SP140: variants seen among roughly 807,000 people sequenced by gnomAD.
SP140 encodes nuclear body protein SP140.
Under a neutral mutation model 125.0 loss-of-function variants are expected in SP140, and 81 were observed. The ratio of observed to expected loss-of-function variants is 0.65; its 90% CI spans 0.54 to 0.78. The LOEUF (loss-of-function observed/expected upper bound fraction) is 0.78. Among genes scored for constraint, SP140 ranks in the 30% least tolerant of loss-of-function variants. The pLI is 0.00. For synonymous variants in SP140, 312 were observed against 354.0 expected (o/e 0.88, Z 1.33); for missense variants, 858 against 1,037.0 (o/e 0.83, Z 2.37).
intron 3 of SP140, chr2:230,215,180 T>A (rs1207769128): frequency 7.4e-7 from 1 of 1,359,590 alleles, no homozygotes; most frequent in Non-Finnish European, 1.0e-6. Context: ...AGTTATACAT[T>A]TATGGTTTTC....
At chr2:230,236,789 T>A (rs1336863799) in intron 1 of SP140, among the ~76,000 whole-genome samples, 1 of 152,226 alleles carries the variant, frequency 6.6e-6, no homozygotes, top group African/African-American at 2.4e-5. Context: ...ATCTTTTAAT[T>A]GCATATTTTC....
chr2:230,232,571 C>A (rs1234381492), intron 1 of SP140, among the ~76,000 whole-genome samples: 2 of 152,162 alleles, frequency 1.3e-5, no homozygotes, highest in African/African-American at 4.8e-5. Context: ...GAAGTTTAGA[C>A]TTTTTTCTTA....
At chr2:230,192,456 T>C in the SP140 span, among the ~76,000 whole-genome samples, 4 of 152,148 alleles carry the variant, frequency 2.6e-5, no homozygotes, top group Admixed American at 2.6e-4. Context: ...ACAAAATCAA[T>C]GTGCAAAAAT....
chr2:230,265,158 G>A (rs1023884034), intron 12 of SP140, among the ~76,000 whole-genome samples: 6 of 152,224 alleles, frequency 3.9e-5, no homozygotes, highest in African/African-American at 1.4e-4. Flanking sequence ...TGTGGGGGAT[G>A]GGGGTGAGAT....
chr2:230,243,568 G>A (rs1422414871), intron 4 of SP140, among the ~76,000 whole-genome samples, 163 bp from the exon 5 acceptor site: 3 of 152,216 alleles, frequency 2.0e-5, no homozygotes, highest in South Asian at 2.1e-4. Context: ...CTCAGCCTCT[G>A]GTGAAGGTTA....
chr2:230,259,923 C>T (rs1380141565), intron 12 of SP140, among the ~76,000 whole-genome samples: 5 of 151,764 alleles, frequency 3.3e-5, no homozygotes, highest in African/African-American at 7.3e-5. Flanking sequence ...GTATCTTTTT[C>T]GAATAATGAC....
chr2:230,220,422 A>C (rs1361039796), intron 3 of SP140, among the ~76,000 whole-genome samples: 3 of 152,248 alleles, frequency 2.0e-5, no homozygotes, highest in African/African-American at 7.2e-5. Context: ...ACAAAAAAAC[A>C]AAGAGAATGT....
intron 1 of SP140, chr2:230,212,726 G>A: frequency 6.2e-7 from 1 of 1,612,896 alleles, no homozygotes; most frequent in Non-Finnish European, 8.5e-7. Context: ...CTTAGGCTGA[G>A]GATATACAGG....
At chr2:230,307,968 TATATATATATATATATATATATAC>T (rs1166379627) in intron 22 of SP140, among the ~76,000 whole-genome samples, 4 of 79,302 alleles carry the variant, frequency 5.0e-5, no homozygotes, top group South Asian at 5.4e-4. Context: ...TATATATATA[TATATATATATATATATATATATAC>T]ACACACACAC....
chr2:230,299,551 C>T (rs928844699), intron 22 of SP140, among the ~76,000 whole-genome samples: 1 of 152,132 alleles, frequency 6.6e-6, no homozygotes, highest in Non-Finnish European at 1.5e-5. Flanking sequence ...AGGCTTCCAG[C>T]TGAACTTTGT....
chr2:230,186,555 A>G, the SP140 span, among the ~76,000 whole-genome samples: 1 of 152,206 alleles, frequency 6.6e-6, no homozygotes, highest in African/African-American at 2.4e-5. Context: ...GTTTTTGGTT[A>G]CATGGATGAA....
intron 13 of SP140, 45 bp from the exon 14 acceptor site, chr2:230,269,792 A>G (rs946661628): frequency 3.4e-6 from 5 of 1,462,026 alleles, no homozygotes; most frequent in African/African-American, 1.4e-5. Context: ...AAATAGAGTC[A>G]CTGGGTCAAA....
At chr2:230,203,448 C>T (rs2043395874) in intron 1 of SP140, 1 of 152,640 alleles carries the variant, frequency 6.6e-6, no homozygotes, top group South Asian at 2.1e-4. Flanking sequence ...CGGTGATATC[C>T]GCAGGCCACT....
upstream of SP140, among the ~76,000 whole-genome samples, chr2:230,198,474 T>G (rs1278929021): frequency 6.6e-6 from 1 of 152,204 alleles, no homozygotes; most frequent in Non-Finnish European, 1.5e-5. Context: ...GTCTCCCTTT[T>G]TCTTTAGTAA....
At chr2:230,245,125 C>A in intron 6 of SP140, 45 bp downstream of exon 6, 2 of 1,323,766 alleles carry the variant, frequency 1.5e-6, no homozygotes, top group Non-Finnish European at 2.2e-6. Context: ...AATTAGTTGG[C>A]CTATCTCTAT....
intron 22 of SP140, among the ~76,000 whole-genome samples, chr2:230,305,621 A>G (rs1175585121): frequency 1.3e-5 from 2 of 152,228 alleles, no homozygotes; most frequent in Non-Finnish European, 2.9e-5. Context: ...AGAGGTCCCA[A>G]GATGGAGCTG....
intron 15 of SP140, among the ~76,000 whole-genome samples, chr2:230,271,695 T>A (rs753070300): frequency 2.6e-5 from 4 of 152,088 alleles, no homozygotes; most frequent in Admixed American, 6.5e-5. Flanking sequence ...GGAAGAGGTA[T>A]ATTGAAGGAA....
At chr2:230,238,832 AGCCTAGC>A in intron 3 of SP140, 1 of 1,555,170 alleles carries the variant, frequency 6.4e-7, no homozygotes, top group Non-Finnish European at 8.7e-7. Flanking sequence ...TCACGAAGAG[AGCCTAGC>A]ACATACTGGT....
Position 230,227,374 on chromosome 2 carries a change from A to T in SP140, c.59+1471A>T, listed in dbSNP as rs142775163. On this transcript the variant is annotated intron_variant, in intron 1 of 26. Transcript: ENST00000392045. The stretch of plus-strand genomic sequence containing the variant: ...GATGAGCCAGCGGAGCTCAAAGTCC[A>T]GCCAGCCCATGGTCACCAAGCAGGA... Among the ~76,000 whole-genome samples, 1,105 of 152,308 alleles carry T rather than the reference A, an allele frequency of 7.3e-3. 19 individuals carry two copies. Among genetic ancestry groups the T allele is most frequent in the African/African-American group, 0.025 (1,038 of 41,558 alleles).
Sources: allele counts gnomAD v4.1 joint callset (sites outside exome capture counted in the v4.1 genomes callset), GRCh38; gene constraint gnomAD v4.1.1; transcripts MANE v1.5; gene names NCBI Gene and HGNC (gene_info 2026-07-23, HGNC 2026-07-21).